Variants in NRXN1 observed in about 807,000 individuals in gnomAD.
The protein encoded by NRXN1 is neurexin-1.
Under a neutral mutation model 150.9 loss-of-function variants are expected in NRXN1, and 39 were observed. The ratio of observed to expected loss-of-function variants is 0.26; its 90% CI spans 0.20 to 0.34. The LOEUF (loss-of-function observed/expected upper bound fraction) is 0.34, where lower values mean the gene tolerates loss of function less well. Among genes scored for constraint, NRXN1 ranks in the 10% least tolerant of loss-of-function variants. The pLI, the probability that NRXN1 is intolerant of heterozygous loss-of-function variation, is 1.00. For synonymous variants in NRXN1, 924 were observed against 757.0 expected, an observed-to-expected ratio of 1.22 and a Z score of -3.62; for missense variants, 1,815 against 1,949.9, an observed-to-expected ratio of 0.93 and a Z score of 1.30.
chr2:50,590,926 A>G (rs1674075494), intron 8 of NRXN1, among the ~76,000 whole-genome samples: 1 of 152,098 alleles, frequency 6.6e-6, no homozygotes, highest in African/African-American at 2.4e-5. Context: ...GGCTCACCAT[A>G]CTCTAAATAA....
chr2:50,220,460 A>G (rs1163946092), intron 18 of NRXN1, among the ~76,000 whole-genome samples: 3 of 151,998 alleles, frequency 2.0e-5, no homozygotes, highest in African/African-American at 7.2e-5. Flanking sequence ...TCTGGCCCAG[A>G]TAATTGATAT....
chr2:50,646,255 G>T (rs1216390723), intron 5 of NRXN1, among the ~76,000 whole-genome samples: 1 of 151,930 alleles, frequency 6.6e-6, no homozygotes, highest in East Asian at 1.9e-4. Context: ...CGCTATTCTG[G>T]TGTCAGATTT....
rs369661422 is a variant in NRXN1 at position 50,649,239 on chromosome 2, T to G, written c.833-25624A>C. On this transcript the variant is annotated intron_variant, in intron 5 of 22. Coordinates refer to ENST00000401669, the MANE Select transcript of NRXN1 (RefSeq NM_001330078.2). ...AAGAATACAAAATTAGGTACAAGCA[T>G]GTATACACACATACACACATACACA... 4.3e-5 allele frequency among the ~76,000 whole-genome samples: 6 copies of G among 140,768 alleles called. No individual in the cohort carries two copies. The Admixed American group carries it at 4.5e-4, about 11-fold the overall frequency. 92.3% of individuals were successfully genotyped at this position (140,768 alleles called of 152,430 possible). A position where few individuals can be genotyped will look rare whatever the true frequency, so the allele number is the denominator to read the frequency against.
intron 17 of NRXN1, among the ~76,000 whole-genome samples, chr2:50,250,707 TAGTA>T (rs1400011461): frequency 1.3e-5 from 2 of 151,938 alleles, no homozygotes; most frequent in African/African-American, 4.8e-5. Flanking sequence ...AGACTGCACT[TAGTA>T]AGTGTCTTGG....
chr2:50,366,634 C>A (rs1558607380), intron 17 of NRXN1, among the ~76,000 whole-genome samples: 1 of 151,936 alleles, frequency 6.6e-6, no homozygotes, highest in Non-Finnish European at 1.5e-5. Context: ...ATTGAATTTA[C>A]ATAATTAGGA....
chr2:50,138,173 C>G (rs928881687), intron 18 of NRXN1, among the ~76,000 whole-genome samples: 8 of 152,134 alleles, frequency 5.3e-5, no homozygotes, highest in African/African-American at 1.7e-4. Flanking sequence ...TCATTTACAA[C>G]CCATATGATC....
At position 50,623,621 on chromosome 2, in the gene NRXN1, G is replaced by C; in HGVS notation, c.833-6C>G. ...GGCAATATATTCTTCTTTTCCTAGA[G>C]GAAAACAGATGATACATACATAAGT... On this transcript the variant is annotated splice_region_variant and splice_polypyrimidine_tract_variant and intron_variant, in intron 5 of 22. Coordinates refer to ENST00000401669, the MANE Select transcript of NRXN1 (RefSeq NM_001330078.2). 5 of 1,600,826 alleles carry C rather than the reference G, an allele frequency of 3.1e-6. No individual in the cohort carries two copies. The highest frequency in any genetic ancestry group is 4.3e-6 in the Non-Finnish European group (5 of 1,170,026).
chr2:50,948,141 C>T (rs901949041), intron 2 of NRXN1, among the ~76,000 whole-genome samples: 2 of 151,854 alleles, frequency 1.3e-5, no homozygotes, highest in African/African-American at 2.4e-5. Context: ...AAAATAAAAG[C>T]CATTTGTCTC....
At chr2:50,456,652 T>G (rs571217988) in intron 17 of NRXN1, among the ~76,000 whole-genome samples, 1 of 152,104 alleles carries the variant, frequency 6.6e-6, no homozygotes, top group Non-Finnish European at 1.5e-5. Context: ...CAATGTTATT[T>G]TTATCTTGAC....
At chr2:50,351,896 A>G (rs1318476526) in intron 17 of NRXN1, among the ~76,000 whole-genome samples, 1 of 152,140 alleles carries the variant, frequency 6.6e-6, no homozygotes, top group Non-Finnish European at 1.5e-5. Flanking sequence ...CTGGAACTTC[A>G]CCAAGCTTCT....
At chr2:50,998,231 AC>A in intron 2 of NRXN1, among the ~76,000 whole-genome samples, 1 of 141,790 alleles carries the variant, frequency 7.1e-6, no homozygotes, top group East Asian at 2.0e-4. Context: ...CAGAGACAAT[AC>A]TGATATGTTA....
chr2:50,082,938 A>C (rs1349573500), intron 19 of NRXN1, among the ~76,000 whole-genome samples: 1 of 152,236 alleles, frequency 6.6e-6, no homozygotes, highest in African/African-American at 2.4e-5. Context: ...AGATTATTTC[A>C]ATTTTGTCAG....
At chr2:49,947,135 G>T (rs538048631) in intron 21 of NRXN1, among the ~76,000 whole-genome samples, 1 of 151,682 alleles carries the variant, frequency 6.6e-6, no homozygotes, top group African/African-American at 2.4e-5. Context: ...TTTTCCCCCC[G>T]GACCAACATC....
At position 50,574,663 on chromosome 2, in the gene NRXN1, T is replaced by G. The variant is rs180751905; in HGVS notation, c.1321-21638A>C. On this transcript the variant is annotated intron_variant, in intron 8 of 22. Coordinates refer to ENST00000401669, the MANE Select transcript of NRXN1 (RefSeq NM_001330078.2). ...TCACTCTGAAAAATCTAAAGAGAAG[T>G]GTGGCTTCCAAAAGAGAATCATACT... Among the ~76,000 whole-genome samples, 260 of 152,214 alleles carry G rather than the reference T, an allele frequency of 1.7e-3. 4 individuals are homozygous for G. The highest frequency in any genetic ancestry group is 0.017 in the South Asian group (82 of 4,828).
chr2:50,037,705 T>C (rs1309401949), intron 21 of NRXN1, among the ~76,000 whole-genome samples: 2 of 152,186 alleles, frequency 1.3e-5, no homozygotes, highest in Non-Finnish European at 2.9e-5. Context: ...AGAATTTCTG[T>C]GACTGCTCTT....
chr2:50,518,709 A>AT (rs1233340680), intron 12 of NRXN1, among the ~76,000 whole-genome samples: 4 of 151,808 alleles, frequency 2.6e-5, no homozygotes, highest in Non-Finnish European at 4.4e-5. Flanking sequence ...TAGTTATAGC[A>AT]TTTTTTTAAT....
At chr2:50,875,249 A>T (rs1476211893) in intron 5 of NRXN1, among the ~76,000 whole-genome samples, 1 of 151,736 alleles carries the variant, frequency 6.6e-6, no homozygotes, top group Non-Finnish European at 1.5e-5. Flanking sequence ...TAAGATGTTG[A>T]CCATATAACT....
At chr2:50,155,390 A>G (rs186650494) in intron 18 of NRXN1, among the ~76,000 whole-genome samples, 2 of 151,246 alleles carry the variant, frequency 1.3e-5, no homozygotes, top group Non-Finnish European at 3.0e-5. Context: ...ACACTTCCCT[A>G]TCCCTAAAAT....
At chr2:50,774,900 T>C (rs1395281030) in intron 5 of NRXN1, among the ~76,000 whole-genome samples, 1 of 152,188 alleles carries the variant, frequency 6.6e-6, no homozygotes, top group Non-Finnish European at 1.5e-5. Flanking sequence ...ACTATATCCC[T>C]ATGATCTAAA....
Sources: allele counts gnomAD v4.1 joint callset (sites outside exome capture counted in the v4.1 genomes callset), GRCh38; gene constraint gnomAD v4.1.1; transcripts MANE v1.5; gene names NCBI Gene and HGNC (gene_info 2026-07-23, HGNC 2026-07-21).